SERBP1: variants seen among roughly 807,000 people sequenced by gnomAD.
SERBP1 encodes SERPINE1 mRNA binding protein 1, also known as SERPINE1 mRNA-binding protein 1.
SERBP1 carries 6 observed loss-of-function variants against 50.2 expected under a neutral mutation model. That is an observed-to-expected ratio of 0.12 (90% confidence interval 0.07 to 0.24). The LOEUF (loss-of-function observed/expected upper bound fraction) is 0.24, where lower values mean the gene tolerates loss of function less well. SERBP1 is among the 10% of genes least tolerant of loss of function. The pLI is 1.00. For synonymous variants in SERBP1, 168 were observed against 182.8 expected, an observed-to-expected ratio of 0.92 and a Z score of 0.65; for missense variants, 346 against 524.9, an observed-to-expected ratio of 0.66 and a Z score of 3.33.
intron 6 of SERBP1, among the ~76,000 whole-genome samples, chr1:67,418,841 A>G (rs1332201546): frequency 6.6e-6 from 1 of 152,258 alleles, no homozygotes. Flanking sequence ...CCTTAGGATG[A>G]TAAAACTCAG....
At chr1:67,419,903 A>T (rs1323293641) in intron 6 of SERBP1, 106 bp downstream of exon 6, 2 of 944,554 alleles carry the variant, frequency 2.1e-6, no homozygotes, top group Middle Eastern at 2.2e-4. Flanking sequence ...GATCCTATGT[A>T]AAGCTTTAAC....
rs780928551 is a variant in SERBP1 at position 67,425,164 on chromosome 1, C to A, written c.524G>T (p.Arg175Leu). Residue 175 changes from arginine (R) to leucine (L), a missense_variant, in exon 3 of 8, where the codon CGT becomes CTT. Arg to Leu is a moderately radical substitution (Grantham distance 102). Transcript: ENST00000361219. ...RGGLGRGRGG[R>L]GRGMGRGDGF... ...ATCTCCTCGGCCCATTCCACGTCCACGGCCCCCTCGACCTCTTCCAAGACC... is the reference window on the plus strand; with the variant it reads ...ATCTCCTCGGCCCATTCCACGTCCAAGGCCCCCTCGACCTCTTCCAAGACC... 4 of 1,611,518 alleles carry A rather than the reference C, an allele frequency of 2.5e-6. No homozygotes were observed.
rs1666777844 is a variant in SERBP1, at chr1:67,410,062, G to A, written c.*3145C>T. On this transcript the variant is annotated 3_prime_UTR_variant, in exon 8 of 8. Transcript: ENST00000361219. Reference sequence around the variant, plus strand: ...AGAAAGTAAAATTGCATGCACCTGAGATCCCTGGAATTTGCTATACCATTG... The same window carrying A: ...AGAAAGTAAAATTGCATGCACCTGAAATCCCTGGAATTTGCTATACCATTG... 6.6e-6 allele frequency: 1 copy of A among 152,146 alleles called. No individual in the cohort carries two copies. Among genetic ancestry groups the A allele is most frequent in the South Asian group, 2.1e-4 (1 of 4,828 alleles). The allele number at this position is 152,146 out of a possible 1,614,324, so 9.4% of individuals were successfully genotyped here.
chr1:67,426,167 T>C lies in SERBP1; in HGVS notation c.432A>G (p.Glu144=). 1 of 1,608,172 alleles carries C rather than the reference T, an allele frequency of 6.2e-7. No individual in the cohort carries two copies. Among genetic ancestry groups the C allele is most frequent in the South Asian group, 1.1e-5 (1 of 89,960 alleles). The change falls in exon 2 of 8, where the codon GAA becomes GAG. Residue 144 remains glutamate, a synonymous_variant. Coordinates refer to ENST00000361219, the MANE Select transcript of SERBP1 (RefSeq NM_001018069.2). ...RERRFEKPLE[E]KGEGGEFSVD... is the part of the protein sequence containing the mutation. ...CTGAAAATTCGCCTCCTTCACCCTT[T>C]TCTTCAAGTGGCTTTTCGAATCTTC...
At chr1:67,429,880 G>A (rs1427574625) in intron 1 of SERBP1, 108 bp downstream of exon 1, 5 of 1,221,940 alleles carry the variant, frequency 4.1e-6, no homozygotes, top group Non-Finnish European at 4.6e-6. Flanking sequence ...GGATATAGGC[G>A]GCAAAGTCTC....
chr1:67,414,354 C>G (rs575244078), intron 7 of SERBP1, among the ~76,000 whole-genome samples: 1 of 117,184 alleles, frequency 8.5e-6, no homozygotes, highest in South Asian at 3.2e-4. Context: ...CCCATCAACA[C>G]AACCACCACC....
rs763022699 is a variant in SERBP1, at chr1:67,426,303, C to T, written c.314-18G>A. ...TCTTATTCCTAAAACGATAAGATAA[C>T]CTGCATAAGCAAATTATTTTTGCAA... On this transcript the variant is annotated intron_variant, in intron 1 of 7. Transcript: ENST00000361219. The T allele has an allele frequency of 1.9e-6, 3 of 1,555,198 alleles. No individual in the cohort carries two copies. The highest frequency in any genetic ancestry group is 4.2e-5 in the Admixed American group (2 of 48,078).
intron 6 of SERBP1, among the ~76,000 whole-genome samples, chr1:67,418,493 C>T (rs566767165): frequency 2.0e-3 from 298 of 152,180 alleles, no homozygotes; most frequent in South Asian, 9.5e-3. Flanking sequence ...CATGGTGGCA[C>T]ACGCCTATAA....
intron 5 of SERBP1, among the ~76,000 whole-genome samples, chr1:67,423,181 C>T (rs1175648426): frequency 6.6e-6 from 1 of 151,726 alleles, no homozygotes; most frequent in Admixed American, 6.6e-5. Flanking sequence ...TGCCTGTAAT[C>T]CCAGCTACTC....
chr1:67,429,100 A>G (rs1667481299), intron 1 of SERBP1, among the ~76,000 whole-genome samples: 1 of 152,068 alleles, frequency 6.6e-6, no homozygotes, highest in Non-Finnish European at 1.5e-5. Context: ...ACCATGCTTC[A>G]CGCACATGTG....
chr1:67,429,733 G>A (rs554834575), intron 1 of SERBP1: 12 of 399,586 alleles, frequency 3.0e-5, no homozygotes, highest in Non-Finnish European at 4.9e-5. Flanking sequence ...GCTCATCTCC[G>A]ACCACGCTCC....
chr1:67,429,081 G>GA (rs1036262068), intron 1 of SERBP1, among the ~76,000 whole-genome samples: 36 of 151,970 alleles, frequency 2.4e-4, no homozygotes, highest in Non-Finnish European at 7.4e-5. Flanking sequence ...AACCGCCAGT[G>GA]AAACTCTGAC....
At chr1:67,422,383 T>A (rs1557504915) in intron 5 of SERBP1, among the ~76,000 whole-genome samples, 1 of 151,840 alleles carries the variant, frequency 6.6e-6, no homozygotes, top group Non-Finnish European at 1.5e-5. Flanking sequence ...TGGTGGCACA[T>A]GCCTGTAATC....
At position 67,410,498 on chromosome 1, in the gene SERBP1, C is replaced by A. The variant is rs1359517364; in HGVS notation, c.*2709G>T. 3 of 152,016 alleles carry A rather than the reference C, an allele frequency of 2.0e-5. No individual in the cohort carries two copies. The highest frequency in any genetic ancestry group is 2.0e-4 in the Admixed American group (3 of 15,268). The allele number at this position is 152,016 out of a possible 1,614,324, so 9.4% of individuals were successfully genotyped here. A position where few individuals can be genotyped will look rare whatever the true frequency, so the allele number is the denominator to read the frequency against. On this transcript the variant is annotated 3_prime_UTR_variant, in exon 8 of 8. Transcript: ENST00000361219. The stretch of plus-strand genomic sequence containing the variant: ...AGGAACTAACTAGATGTATATGGTG[C>A]CAATTTTTAAAAGTCTTGCTTAACT...
In SERBP1 at chr1:67,429,094, T is replaced by C. The variant is rs558132125; in HGVS notation, c.313+894A>G. On this transcript the variant is annotated intron_variant, in intron 1 of 7. Coordinates refer to ENST00000361219, the MANE Select transcript of SERBP1 (RefSeq NM_001018069.2). Reference sequence around the variant, plus strand: ...TTAACCGCCAGTGAAACTCTGACCATGCTTCACGCACATGTGGTGGAAAAA... The same window carrying C: ...TTAACCGCCAGTGAAACTCTGACCACGCTTCACGCACATGTGGTGGAAAAA... Among the ~76,000 whole-genome samples, 4 of 152,122 alleles carry C rather than the reference T, an allele frequency of 2.6e-5. No individual in the cohort carries two copies. In the South Asian group the frequency reaches 6.2e-4, roughly 24 times the overall value.
chr1:67,409,103 C>G lies in SERBP1; in HGVS notation c.*4104G>C, dbSNP rs1355021330. 2 of 151,874 alleles carry G rather than the reference C, an allele frequency of 1.3e-5. No individual in the cohort carries two copies. Among genetic ancestry groups the G allele is most frequent in the Admixed American group, 6.6e-5 (1 of 15,240 alleles). The allele number at this position is 151,874 out of a possible 1,614,324, so 9.4% of individuals were successfully genotyped here. ...AAAATTAGCTGTCTGTGGTGGTGCA[C>G]ACCTGTAATCCCAGCTACTCAGGAG... On this transcript the variant is annotated 3_prime_UTR_variant, in exon 8 of 8. Coordinates refer to ENST00000361219, the MANE Select transcript of SERBP1 (RefSeq NM_001018069.2).
intron 6 of SERBP1, chr1:67,419,675 C>T (rs1667142737): frequency 3.7e-6 from 1 of 269,190 alleles, no homozygotes; most frequent in Admixed American, 5.1e-5. Context: ...TTTAATGATC[C>T]CCAGTTTGGC....
At chr1:67,429,830 C>G (rs1667510454) in intron 1 of SERBP1, among the ~76,000 whole-genome samples, 158 bp downstream of exon 1, 1 of 152,190 alleles carries the variant, frequency 6.6e-6, no homozygotes, top group Non-Finnish European at 1.5e-5. Flanking sequence ...GCTCCTGGCA[C>G]CTTCGCAGGA....
Position 67,426,872 on chromosome 1 carries a change from T to C in SERBP1, c.314-587A>G, listed in dbSNP as rs1432892540. On this transcript the variant is annotated intron_variant, in intron 1 of 7. Transcript: ENST00000361219. ...AAATTACAAATCTGAAAGGAAAATA[T>C]GGCATTTAGGATTATTAGAGAACAT... Among the ~76,000 whole-genome samples, 3 of 152,144 alleles carry C rather than the reference T, an allele frequency of 2.0e-5. No individual in the cohort carries two copies. The East Asian group carries it at 5.8e-4, about 29-fold the overall frequency.
Sources: gnomAD v4.1 joint callset for allele counts (sites outside exome capture counted in the v4.1 genomes callset) on GRCh38, gnomAD v4.1.1 for gene constraint, MANE v1.5 for transcripts, NCBI Gene and HGNC (gene_info 2026-07-23, HGNC 2026-07-21) for gene names.